The following NXPH1 variants were observed in gnomAD, a reference collection of about 807,000 sequenced individuals.
NXPH1 encodes the protein neurexophilin 1.
A neutral mutation model predicts 23.7 loss-of-function variants in NXPH1; 5 were observed. The ratio of observed to expected loss-of-function variants is 0.21; its 90% CI spans 0.11 to 0.44. The LOEUF (loss-of-function observed/expected upper bound fraction) is 0.44. Among genes scored for constraint, NXPH1 ranks in the 20% least tolerant of loss-of-function variants. The probability of loss-of-function intolerance (pLI) is 0.99; values close to 1 mark genes in which losing one functional copy is unlikely to be tolerated. For missense variants in NXPH1, 324 were observed against 321.6 expected, an observed-to-expected ratio of 1.01 and a Z score of -0.06; for synonymous variants, 144 against 122.2, an observed-to-expected ratio of 1.18 and a Z score of -1.18.
intron 2 of NXPH1, among the ~76,000 whole-genome samples, chr7:8,553,836 C>T (rs1198455400): frequency 6.6e-6 from 1 of 151,616 alleles, no homozygotes; most frequent in African/African-American, 2.4e-5. Flanking sequence ...TACAGGTTTC[C>T]CCAAGTTGAG....
At chr7:8,614,598 C>T (rs1356996728) in intron 2 of NXPH1, among the ~76,000 whole-genome samples, 1 of 151,604 alleles carries the variant, frequency 6.6e-6, no homozygotes, top group East Asian at 1.9e-4. Context: ...AGAGACATAT[C>T]CATATACATA....
intron 2 of NXPH1, among the ~76,000 whole-genome samples, chr7:8,581,394 G>A (rs1371275128): frequency 6.6e-6 from 1 of 152,164 alleles, no homozygotes; most frequent in East Asian, 1.9e-4. Context: ...ATGACGGAAA[G>A]CAAAGGGGAA....
intron 2 of NXPH1, among the ~76,000 whole-genome samples, chr7:8,716,405 C>T (rs369405173): frequency 3.9e-5 from 6 of 152,076 alleles, no homozygotes; most frequent in South Asian, 2.1e-4. Context: ...AGGAGAAAAA[C>T]GGCACCAATA....
intron 2 of NXPH1, among the ~76,000 whole-genome samples, chr7:8,686,606 C>G (rs150383251): frequency 6.6e-6 from 1 of 152,138 alleles, no homozygotes; most frequent in African/African-American, 2.4e-5. Context: ...TACTCCTGTT[C>G]TGATATGTAA....
intron 2 of NXPH1, among the ~76,000 whole-genome samples, chr7:8,687,179 G>A (rs1693287279): frequency 6.6e-6 from 1 of 152,216 alleles, no homozygotes; most frequent in Non-Finnish European, 1.5e-5. Context: ...AGGCTCTCAG[G>A]ATACCATGCA....
chr7:8,437,545 T>C (rs1422835759), intron 2 of NXPH1, among the ~76,000 whole-genome samples: 1 of 152,216 alleles, frequency 6.6e-6, no homozygotes, highest in Non-Finnish European at 1.5e-5. Flanking sequence ...CTTGTGGCTA[T>C]GGTGCAGTTT....
At chr7:8,493,882 A>G (rs771317782) in intron 2 of NXPH1, among the ~76,000 whole-genome samples, 4 of 152,054 alleles carry the variant, frequency 2.6e-5, no homozygotes, top group Admixed American at 6.6e-5. Flanking sequence ...CAGGAAAAAC[A>G]TGGGTACTAT....
intron 2 of NXPH1, among the ~76,000 whole-genome samples, chr7:8,487,012 G>A (rs1817169830): frequency 6.6e-6 from 1 of 152,010 alleles, no homozygotes; most frequent in Non-Finnish European, 1.5e-5. Context: ...ATGCATATAA[G>A]AACAAGAACC....
intron 2 of NXPH1, among the ~76,000 whole-genome samples, chr7:8,642,996 C>G (rs1169026674): frequency 6.6e-6 from 1 of 152,064 alleles, no homozygotes; most frequent in African/African-American, 2.4e-5. Context: ...TCCCAAGTAG[C>G]TGGAACTACG....
intron 2 of NXPH1, among the ~76,000 whole-genome samples, chr7:8,678,917 T>G (rs1042767874): frequency 1.3e-4 from 20 of 150,268 alleles, no homozygotes; most frequent in African/African-American, 4.4e-4. Flanking sequence ...GATTTATCTT[T>G]GCTTTATCCA....
chr7:8,750,896 A>T (rs1444546287), intron 2 of NXPH1, 112 bp from the exon 3 acceptor site: 24 of 1,059,450 alleles, frequency 2.3e-5, no homozygotes, highest in Non-Finnish European at 3.0e-5. Flanking sequence ...CGGTGCTTTT[A>T]AAAAAAAGTG....
At chr7:8,543,121 T>C (rs1284489346) in intron 2 of NXPH1, among the ~76,000 whole-genome samples, 1 of 151,624 alleles carries the variant, frequency 6.6e-6, no homozygotes, top group African/African-American at 2.4e-5. Context: ...CATGTATGTG[T>C]AGCTAACTCA....
At chr7:8,467,915 A>G (rs781413933) in intron 2 of NXPH1, among the ~76,000 whole-genome samples, 1 of 152,136 alleles carries the variant, frequency 6.6e-6, no homozygotes, top group South Asian at 2.1e-4. Context: ...TTTTTCGGGC[A>G]TTGTATACTA....
At chr7:8,644,186 A>G (rs1008746835) in intron 2 of NXPH1, among the ~76,000 whole-genome samples, 1 of 152,232 alleles carries the variant, frequency 6.6e-6, no homozygotes, top group African/African-American at 2.4e-5. Context: ...TTCTTTGGAA[A>G]GTAATTCTTA....
intron 2 of NXPH1, among the ~76,000 whole-genome samples, chr7:8,675,104 G>C (rs1241850343): frequency 6.6e-6 from 1 of 152,084 alleles, no homozygotes; most frequent in Non-Finnish European, 1.5e-5. Flanking sequence ...GTGTTGCTGA[G>C]AGAATAGGAA....
At chr7:8,476,212 C>T (rs1389271871) in intron 2 of NXPH1, among the ~76,000 whole-genome samples, 1 of 152,106 alleles carries the variant, frequency 6.6e-6, no homozygotes, top group East Asian at 1.9e-4. Context: ...AAAAGATGCC[C>T]ATGAATCTCT....
chr7:8,748,109 A>G (rs1780501904), intron 2 of NXPH1, among the ~76,000 whole-genome samples: 1 of 152,206 alleles, frequency 6.6e-6, no homozygotes, highest in Non-Finnish European at 1.5e-5. Context: ...TCCTCTCCCA[A>G]GGAATATTTT....
chr7:8,483,965 CTTT>C (rs60436502), intron 2 of NXPH1, among the ~76,000 whole-genome samples: 3 of 132,318 alleles, frequency 2.3e-5, no homozygotes, highest in African/African-American at 3.1e-5. Flanking sequence ...CTCCCCCCAC[CTTT>C]TTTTTTTTTT....
chr7:8,739,979 A>G (rs975646844), intron 2 of NXPH1, among the ~76,000 whole-genome samples: 1 of 152,204 alleles, frequency 6.6e-6, no homozygotes, highest in Non-Finnish European at 1.5e-5. Flanking sequence ...TTGTCTGAAC[A>G]TCAGTAGGCA....
Sources: allele counts gnomAD v4.1 joint callset (sites outside exome capture counted in the v4.1 genomes callset), GRCh38; gene constraint gnomAD v4.1.1; transcripts MANE v1.5; gene names NCBI Gene and HGNC (gene_info 2026-07-23, HGNC 2026-07-21).